Variants in CUX2 observed in about 807,000 individuals in gnomAD.
CUX2 encodes cut like homeobox 2.
Under a neutral mutation model 144.8 loss-of-function variants are expected in CUX2, and 40 were observed. That is an observed-to-expected ratio of 0.28 (90% CI 0.21 to 0.36). The LOEUF (loss-of-function observed/expected upper bound fraction) is 0.36. Among genes scored for constraint, CUX2 ranks in the 10% least tolerant of loss-of-function variants. CUX2 has a pLI of 1.00. For missense variants in CUX2, 1,615 were observed against 1,994.0 expected (o/e 0.81, Z 3.62); for synonymous variants, 827 against 875.6 (o/e 0.94, Z 0.98).
At chr12:111,101,162 C>T (rs749002007) in intron 1 of CUX2, among the ~76,000 whole-genome samples, 21 of 152,198 alleles carry the variant, frequency 1.4e-4, no homozygotes, top group Non-Finnish European at 2.6e-4. Context: ...TGCACTCACC[C>T]CTCGTGATGA....
intron 3 of CUX2, among the ~76,000 whole-genome samples, chr12:111,230,198 G>A (rs1029797660): frequency 3.3e-5 from 5 of 150,384 alleles, no homozygotes; most frequent in East Asian, 3.9e-4. Flanking sequence ...AAGCAGGAGA[G>A]GGGGGGAGGG....
At chr12:111,330,225 T>G (rs991409505) in intron 18 of CUX2, among the ~76,000 whole-genome samples, 1 of 152,176 alleles carries the variant, frequency 6.6e-6, no homozygotes, top group Non-Finnish European at 1.5e-5. Flanking sequence ...GGCTTCACCT[T>G]GCCCTCTTCA....
chr12:111,074,821 C>T (rs1213749975), intron 1 of CUX2, among the ~76,000 whole-genome samples: 1 of 152,018 alleles, frequency 6.6e-6, no homozygotes, highest in Non-Finnish European at 1.5e-5. Context: ...CCTGTCTTAG[C>T]TCGTGGTACC....
chr12:111,305,007 G>A (rs575665649), intron 10 of CUX2, among the ~76,000 whole-genome samples: 3 of 152,216 alleles, frequency 2.0e-5, no homozygotes, highest in Admixed American at 6.5e-5. Flanking sequence ...CCAGTCTTCG[G>A]TGATCAACCC....
At position 111,274,739 on chromosome 12, in the gene CUX2, C is replaced by T. The variant is rs966962688; in HGVS notation, c.301+10900C>T. Among the ~76,000 whole-genome samples the T allele has an allele frequency of 1.7e-4, 26 of 152,304 alleles. No individual in the cohort carries two copies. In the South Asian group the frequency reaches 3.1e-3, roughly 18 times the overall value. On this transcript the variant is annotated intron_variant, in intron 4 of 21. Coordinates refer to ENST00000261726, the MANE Select transcript of CUX2 (RefSeq NM_015267.4). Reference sequence around the variant, plus strand: ...TGAGCCTCCCACCCCCGCAGGCGCCCGGAGCCTGGGCCCAGATGGGAGAAG... The same window carrying T: ...TGAGCCTCCCACCCCCGCAGGCGCCTGGAGCCTGGGCCCAGATGGGAGAAG...
rs138536140 is a variant in CUX2 at position 111,146,969 on chromosome 12, A to T, written c.64-67231A>T. Among the ~76,000 whole-genome samples the T allele has an allele frequency of 5.9e-3, 902 of 152,294 alleles. 9 individuals are homozygous for T. The highest frequency in any genetic ancestry group is 0.021 in the African/African-American group (853 of 41,554). ...ACCAACATGGTGAAACCCTGTCTCT[A>T]TTAAAAATACAAAAAATTAGTTGGG... On this transcript the variant is annotated intron_variant, in intron 1 of 21. Transcript: ENST00000261726.
At chr12:111,162,985 G>A (rs150649798) in intron 1 of CUX2, among the ~76,000 whole-genome samples, 2,245 of 151,458 alleles carry the variant, frequency 0.015, 53 homozygotes, top group African/African-American at 0.052. Flanking sequence ...GGCCGAGTTT[G>A]CAGTGAGCCG....
rs977828046 is a variant in CUX2, at chr12:111,349,089, G to A, written c.*764G>A. On this transcript the variant is annotated 3_prime_UTR_variant, in exon 22 of 22. Coordinates refer to ENST00000261726, the MANE Select transcript of CUX2 (RefSeq NM_015267.4). ...GGGCCGTGGCCCAACCGTCCTATAT[G>A]AGATGTAGCATGGTACAGAACAAAC... The A allele has an allele frequency of 3.3e-5, 5 of 152,588 alleles. No homozygotes were observed. The highest frequency in any genetic ancestry group is 6.5e-5 in the Admixed American group (1 of 15,276). 9.5% of individuals were successfully genotyped at this position (152,588 alleles called of 1,614,324 possible).
chr12:111,344,101 G>A (rs1888693793), intron 21 of CUX2, among the ~76,000 whole-genome samples: 1 of 152,200 alleles, frequency 6.6e-6, no homozygotes, highest in South Asian at 2.1e-4. Context: ...CTGGCTCAGA[G>A]CAGAGCCTGC....
At chr12:111,308,161 A>T in intron 12 of CUX2, 124 bp from the exon 13 acceptor site, 1 of 1,054,492 alleles carries the variant, frequency 9.5e-7, no homozygotes, top group Non-Finnish European at 1.4e-6. Context: ...CTCTGGAATT[A>T]ATGGGGTTCT....
chr12:111,338,269 C>G lies in CUX2; in HGVS notation c.3197-17C>G. 1.3e-6 allele frequency: 2 copies of G among 1,588,342 alleles called. No homozygotes were observed. The highest frequency in any genetic ancestry group is 1.7e-6 in the Non-Finnish European group (2 of 1,165,620). On this transcript the variant is annotated splice_polypyrimidine_tract_variant and intron_variant, in intron 19 of 21. Transcript: ENST00000261726. ...CCCAGCCTCGGGTAACAGATTGCTC[C>G]CCTCCCCTATCCCCAGGGCAGCGGC...
chr12:111,343,194 C>G (rs1558236), intron 21 of CUX2, among the ~76,000 whole-genome samples: 10,457 of 151,924 alleles, frequency 0.069, 602 homozygotes, highest in South Asian at 0.2. Flanking sequence ...GAAAGAAAAA[C>G]CCCCTGGTAT....
chr12:111,113,064 A>C (rs1353771466), intron 1 of CUX2, among the ~76,000 whole-genome samples: 6 of 152,186 alleles, frequency 3.9e-5, no homozygotes, highest in Non-Finnish European at 8.8e-5. Context: ...GGAGGGAGGA[A>C]AGTAAGGGCA....
At chr12:111,118,463 A>C (rs1053352179) in intron 1 of CUX2, among the ~76,000 whole-genome samples, 2 of 152,180 alleles carry the variant, frequency 1.3e-5, no homozygotes, top group Non-Finnish European at 1.5e-5. Context: ...ACACCCCAGA[A>C]ATTGGCAAGC....
intron 19 of CUX2, among the ~76,000 whole-genome samples, chr12:111,337,954 G>C (rs1284689842): frequency 9.9e-5 from 15 of 151,990 alleles, no homozygotes; most frequent in Non-Finnish European, 2.2e-4. Context: ...AGAATTGCTT[G>C]AACCTGGGAG....
At chr12:111,151,700 G>T (rs1474568159) in intron 1 of CUX2, among the ~76,000 whole-genome samples, 1 of 152,102 alleles carries the variant, frequency 6.6e-6, no homozygotes, top group Admixed American at 6.5e-5. Context: ...AGCCAGAGAG[G>T]GATCTGGTGT....
At chr12:111,227,297 G>C (rs58079126) in intron 3 of CUX2, among the ~76,000 whole-genome samples, 28 of 152,314 alleles carry the variant, frequency 1.8e-4, no homozygotes, top group African/African-American at 6.7e-4. Flanking sequence ...TCTGGAGCCT[G>C]TGGCAGTGGA....
intron 1 of CUX2, among the ~76,000 whole-genome samples, chr12:111,147,331 A>C (rs1157713141): frequency 6.6e-6 from 1 of 152,178 alleles, no homozygotes; most frequent in African/African-American, 2.4e-5. Context: ...CCTAGCATTA[A>C]TCTTGCTCCC....
intron 3 of CUX2, among the ~76,000 whole-genome samples, chr12:111,238,550 C>T (rs1342651049): frequency 6.6e-6 from 1 of 152,224 alleles, no homozygotes; most frequent in African/African-American, 2.4e-5. Context: ...GGTCACACAG[C>T]TGGTGGCATG....
Sources: allele counts gnomAD v4.1 joint callset (sites outside exome capture counted in the v4.1 genomes callset), GRCh38; gene constraint gnomAD v4.1.1; transcripts MANE v1.5; gene names NCBI Gene and HGNC (gene_info 2026-07-23, HGNC 2026-07-21).